PACRGL: variants seen among roughly 807,000 people sequenced by gnomAD.
PACRGL encodes the protein PACRG-like protein.
A neutral mutation model predicts 34.5 loss-of-function variants in PACRGL; 38 were observed. That is an observed-to-expected ratio of 1.10 (90% CI 0.85 to 1.44). The LOEUF is 1.44. Ranked by LOEUF, PACRGL falls within the 40% of genes most tolerant of loss-of-function variation. PACRGL has a pLI of 0.00. For synonymous variants in PACRGL, 128 were observed against 100.1 expected (o/e 1.28, Z -1.66); for missense variants, 305 against 281.4 (o/e 1.08, Z -0.60).
At chr4:20,763,611 CA>C in the PACRGL span, among the ~76,000 whole-genome samples, 2 of 152,112 alleles carry the variant, frequency 1.3e-5, no homozygotes, top group Non-Finnish European at 2.9e-5. Flanking sequence ...AGAAAGAAGA[CA>C]AGAATGCAGA....
intron 8 of PACRGL, among the ~76,000 whole-genome samples, chr4:20,738,077 C>T (rs565520060): frequency 4.2e-4 from 63 of 151,392 alleles, no homozygotes; most frequent in African/African-American, 1.4e-3. Flanking sequence ...CTACAGTGAA[C>T]TATGATTGCA....
intron 4 of PACRGL, among the ~76,000 whole-genome samples, chr4:20,709,120 CAA>C (rs1292560430): frequency 1.3e-5 from 2 of 152,070 alleles, no homozygotes; most frequent in East Asian, 3.9e-4. Context: ...GCCTGGGCAA[CAA>C]GAGTGAAACT....
chr4:20,748,777 A>G (rs145674370), intron 8 of PACRGL, among the ~76,000 whole-genome samples: 21 of 150,132 alleles, frequency 1.4e-4, no homozygotes, highest in African/African-American at 5.1e-4. Flanking sequence ...TTCACAGCTG[A>G]TCAGAGTTCA....
In PACRGL at chr4:20,730,116, A is replaced by G; in HGVS notation, c.*2775A>G. On this transcript the variant is annotated 3_prime_UTR_variant, in exon 9 of 9. Transcript: ENST00000503585. ...ATTTTCAAAGAGCTGCATGGAGCGC[A>G]TTATGTTTTCATCCTGTAAGGGAGA... The G allele has an allele frequency of 6.2e-7, 1 of 1,608,882 alleles. No individual in the cohort carries two copies. The highest frequency in any genetic ancestry group is 8.5e-7 in the Non-Finnish European group (1 of 1,178,280).
chr4:20,756,884 T>G (rs888293230), downstream of PACRGL, among the ~76,000 whole-genome samples: 4 of 152,110 alleles, frequency 2.6e-5, no homozygotes, highest in South Asian at 2.1e-4. Context: ...AGTTTCATGC[T>G]GGCCTCATGG....
At position 20,732,532 on chromosome 4, in the gene PACRGL, AG is replaced by A; in HGVS notation, c.*5192del. 1.5e-6 allele frequency: 1 copy of A among 655,820 alleles called. No homozygotes were observed. Among genetic ancestry groups the A allele is most frequent in the South Asian group, 1.7e-5 (1 of 57,916 alleles). The allele number at this position is 655,820 out of a possible 1,614,324, so 40.6% of individuals were successfully genotyped here. On this transcript the variant is annotated 3_prime_UTR_variant, in exon 9 of 9. Coordinates refer to ENST00000503585, the MANE Select transcript of PACRGL (RefSeq NM_001258345.3). The stretch of plus-strand genomic sequence containing the variant: ...ATCAGCATTGTAAATTCAAAACCAA[AG>A]CTATTAAATTAATAGGATGCTAAAT...
rs993228943 is a variant in PACRGL at position 20,731,728 on chromosome 4, A to G, written c.*4387A>G. The G allele has an allele frequency of 6.1e-6, 6 of 985,280 alleles. No individual in the cohort carries two copies. In the African/African-American group the frequency reaches 8.7e-5, roughly 14 times the overall value. 61.0% of individuals were successfully genotyped at this position (985,280 alleles called of 1,614,324 possible). A position where few individuals can be genotyped will look rare whatever the true frequency, so the allele number is the denominator to read the frequency against. On this transcript the variant is annotated 3_prime_UTR_variant, in exon 9 of 9. Coordinates refer to ENST00000503585, the MANE Select transcript of PACRGL (RefSeq NM_001258345.3). Reference sequence around the variant, plus strand: ...AAATCTCATGTATGTTTTATCCTCCATGAATACTCTCTAAGGAATTTGGGA... The same window carrying G: ...AAATCTCATGTATGTTTTATCCTCCGTGAATACTCTCTAAGGAATTTGGGA...
At chr4:20,756,441 ACCAGTCTTC>A (rs760171488), downstream of PACRGL, among the ~76,000 whole-genome samples, 9 of 152,088 alleles carry the variant, frequency 5.9e-5, no homozygotes, top group Non-Finnish European at 1.0e-4. Flanking sequence ...CTCCTTCTTT[ACCAGTCTTC>A]CCTGTGTATA....
At chr4:20,735,887 A>G (rs1297707004), downstream of PACRGL, among the ~76,000 whole-genome samples, 1 of 152,150 alleles carries the variant, frequency 6.6e-6, no homozygotes, top group Non-Finnish European at 1.5e-5. Flanking sequence ...TGCTGTATTC[A>G]GTTTATAATC....
Position 20,728,998 on chromosome 4 carries a change from A to C in PACRGL, c.*1657A>C, listed in dbSNP as rs1746946391. On this transcript the variant is annotated 3_prime_UTR_variant, in exon 9 of 9. Coordinates refer to ENST00000503585, the MANE Select transcript of PACRGL (RefSeq NM_001258345.3). ...GTTGTTGAGCACTTATTTTCTACTA[A>C]ATCTTGGTAGTAGTTGTCAATGTAA... The C allele has an allele frequency of 6.6e-6, 1 of 152,170 alleles. No individual in the cohort carries two copies. The highest frequency in any genetic ancestry group is 6.6e-5 in the Admixed American group (1 of 15,246). 9.4% of individuals were successfully genotyped at this position (152,170 alleles called of 1,614,324 possible).
chr4:20,763,746 A>G, the PACRGL span, among the ~76,000 whole-genome samples: 3 of 152,166 alleles, frequency 2.0e-5, no homozygotes, highest in Non-Finnish European at 4.4e-5. Flanking sequence ...ATTTTTGTAA[A>G]GATGGGATCT....
chr4:20,699,222 GAT>G (rs1731449018), upstream of PACRGL, among the ~76,000 whole-genome samples: 1 of 129,812 alleles, frequency 7.7e-6, no homozygotes, highest in South Asian at 2.4e-4. Flanking sequence ...CAGGATATAA[GAT>G]TTTTTTTTTT....
At chr4:20,749,485 T>C (rs1753182471) in intron 8 of PACRGL, among the ~76,000 whole-genome samples, 1 of 152,184 alleles carries the variant, frequency 6.6e-6, no homozygotes, top group South Asian at 2.1e-4. Context: ...AAACTGAATG[T>C]GGCTTGCAAT....
the PACRGL span, among the ~76,000 whole-genome samples, chr4:20,765,641 C>A: frequency 5.3e-5 from 8 of 152,196 alleles, no homozygotes; most frequent in African/African-American, 1.4e-4. Context: ...TGAACTGCTC[C>A]ATCCAGTATT....
chr4:20,758,279 C>T, the PACRGL span, among the ~76,000 whole-genome samples: 27 of 152,118 alleles, frequency 1.8e-4, no homozygotes, highest in African/African-American at 6.5e-4. Context: ...TTAATTTTCT[C>T]AGATGAGGGA....
At chr4:20,741,004 T>C (rs528578019) in intron 8 of PACRGL, among the ~76,000 whole-genome samples, 1 of 152,286 alleles carries the variant, frequency 6.6e-6, no homozygotes, top group African/African-American at 2.4e-5. Flanking sequence ...AAGGGATCAA[T>C]TCAACAAGAA....
At chr4:20,702,806 AT>A (rs1732772153) in intron 1 of PACRGL, 1 of 152,238 alleles carries the variant, frequency 6.6e-6, no homozygotes, top group East Asian at 1.9e-4. Flanking sequence ...CTTTAATGAG[AT>A]TTTAATTACC....
chr4:20,743,861 A>C (rs1464428616), intron 8 of PACRGL, among the ~76,000 whole-genome samples: 2 of 152,158 alleles, frequency 1.3e-5, no homozygotes, highest in African/African-American at 4.8e-5. Context: ...AAATTTTCGC[A>C]ACCTACTCAT....
At position 20,727,621 on chromosome 4, in the gene PACRGL, G is replaced by T; in HGVS notation, c.*280G>T. ...CATTATTGAGTTTGCAAGATAAGATGTATTTGTATTTTCTAGTGTCTTTTT... is the reference window on the plus strand; with the variant it reads ...CATTATTGAGTTTGCAAGATAAGATTTATTTGTATTTTCTAGTGTCTTTTT... On this transcript the variant is annotated 3_prime_UTR_variant, in exon 9 of 9. Coordinates refer to ENST00000503585, the MANE Select transcript of PACRGL (RefSeq NM_001258345.3). 3.5e-6 allele frequency: 1 copy of T among 284,434 alleles called. No individual in the cohort carries two copies. Among genetic ancestry groups the T allele is most frequent in the Non-Finnish European group, 6.5e-6 (1 of 153,014 alleles). 17.6% of individuals were successfully genotyped at this position (284,434 alleles called of 1,614,324 possible). A position where few individuals can be genotyped will look rare whatever the true frequency, so the allele number is the denominator to read the frequency against.
Sources: allele counts gnomAD v4.1 joint callset (sites outside exome capture counted in the v4.1 genomes callset), GRCh38; gene constraint gnomAD v4.1.1; transcripts MANE v1.5; gene names NCBI Gene and HGNC (gene_info 2026-07-23, HGNC 2026-07-21).